Variants in SLC24A2 observed in about 807,000 individuals in gnomAD.
The protein encoded by SLC24A2 is solute carrier family 24 member 2.
A neutral mutation model predicts 62.0 loss-of-function variants in SLC24A2; 36 were observed. That is an observed-to-expected ratio of 0.58 (90% confidence interval 0.44 to 0.77). The LOEUF is 0.77. Among genes scored for constraint, SLC24A2 ranks in the 30% least tolerant of loss-of-function variants. The pLI is 0.00. For synonymous variants in SLC24A2, 358 were observed against 294.0 expected (o/e 1.22, Z -2.23); for missense variants, 846 against 817.9 (o/e 1.03, Z -0.42).
intron 8 of SLC24A2, among the ~76,000 whole-genome samples, chr9:19,536,386 A>G (rs1288310475): frequency 4.5e-5 from 5 of 110,944 alleles, no homozygotes; most frequent in Non-Finnish European, 6.8e-5. Context: ...AGAGTGTGAT[A>G]TTCCCCTTCC....
chr9:20,233,578 G>A, the SLC24A2 span, among the ~76,000 whole-genome samples: 1 of 152,160 alleles, frequency 6.6e-6, no homozygotes, highest in South Asian at 2.1e-4. Context: ...CCGTTTGCTT[G>A]GTGGATCTTC....
At chr9:19,542,152 A>T (rs1834298203) in intron 8 of SLC24A2, among the ~76,000 whole-genome samples, 1 of 152,170 alleles carries the variant, frequency 6.6e-6, no homozygotes, top group East Asian at 1.9e-4. Context: ...GGAAATGCAG[A>T]AATCACCCGT....
intron 5 of SLC24A2, among the ~76,000 whole-genome samples, chr9:19,588,002 CTGGTT>C (rs1836426081): frequency 6.6e-6 from 1 of 152,116 alleles, no homozygotes; most frequent in East Asian, 1.9e-4. Context: ...ACCCACATAG[CTGGTT>C]TGGTCTTTCT....
At chr9:20,077,126 CAG>C in the SLC24A2 span, among the ~76,000 whole-genome samples, 1 of 151,586 alleles carries the variant, frequency 6.6e-6, no homozygotes, top group Non-Finnish European at 1.5e-5. Flanking sequence ...AAGTGGTAAT[CAG>C]GGGCAGAGCG....
chr9:19,676,828 A>C (rs1422199009), intron 2 of SLC24A2, among the ~76,000 whole-genome samples: 1 of 152,230 alleles, frequency 6.6e-6, no homozygotes, highest in African/African-American at 2.4e-5. Context: ...TCTTAACCTA[A>C]GAGAATTCTT....
At chr9:19,748,678 T>TTTTG (rs144922245) in intron 2 of SLC24A2, among the ~76,000 whole-genome samples, 1 of 150,486 alleles carries the variant, frequency 6.6e-6, no homozygotes, top group Non-Finnish European at 1.5e-5. Flanking sequence ...TTTTTGATTT[T>TTTTG]TTTGTTTGTT....
the SLC24A2 span, among the ~76,000 whole-genome samples, chr9:20,243,829 G>A: frequency 2.0e-5 from 3 of 152,294 alleles, no homozygotes; most frequent in African/African-American, 7.2e-5. Flanking sequence ...TTTTGAGGCA[G>A]GCTCTGGCTT....
chr9:19,566,321 C>G (rs1835648582), intron 7 of SLC24A2, among the ~76,000 whole-genome samples: 1 of 149,780 alleles, frequency 6.7e-6, no homozygotes, highest in African/African-American at 2.5e-5. Flanking sequence ...AGACACTTCT[C>G]AAAAGAAGAC....
chr9:19,802,557 T>A, the SLC24A2 span, among the ~76,000 whole-genome samples: 1 of 152,326 alleles, frequency 6.6e-6, no homozygotes, highest in East Asian at 1.9e-4. Flanking sequence ...GTTAAATGCT[T>A]AAATATTTTA....
intron 2 of SLC24A2, among the ~76,000 whole-genome samples, chr9:19,671,382 A>G (rs1434907045): frequency 2.6e-5 from 4 of 151,944 alleles, no homozygotes; most frequent in Non-Finnish European, 4.4e-5. Flanking sequence ...TAGCAGAACT[A>G]CTCATTTGTG....
At chr9:20,222,264 A>G in the SLC24A2 span, among the ~76,000 whole-genome samples, 2 of 152,132 alleles carry the variant, frequency 1.3e-5, no homozygotes, top group African/African-American at 4.8e-5. Context: ...GGTGTACCAG[A>G]AGAAAGGGAG....
At chr9:19,595,062 T>G (rs999893155) in intron 5 of SLC24A2, among the ~76,000 whole-genome samples, 1 of 152,228 alleles carries the variant, frequency 6.6e-6, no homozygotes, top group African/African-American at 2.4e-5. Context: ...AGGTTCCTGT[T>G]CTAGGTGAAG....
At chr9:19,693,233 C>T (rs540779029) in intron 2 of SLC24A2, among the ~76,000 whole-genome samples, 7 of 152,158 alleles carry the variant, frequency 4.6e-5, no homozygotes, top group African/African-American at 7.2e-5. Flanking sequence ...TAAAGACACA[C>T]GCACATGTAT....
the SLC24A2 span, among the ~76,000 whole-genome samples, chr9:20,160,924 T>C: frequency 7.4e-4 from 112 of 150,534 alleles, 2 homozygotes; most frequent in South Asian, 0.02. Context: ...AGAAAACCTA[T>C]AGATTAAGTT....
the SLC24A2 span, among the ~76,000 whole-genome samples, chr9:20,161,470 A>T: frequency 7.3e-5 from 11 of 151,582 alleles, no homozygotes; most frequent in African/African-American, 2.2e-4. Context: ...ATTGATGAAA[A>T]ATCCTAAATA....
the SLC24A2 span, among the ~76,000 whole-genome samples, chr9:20,138,359 T>A: frequency 1.4e-4 from 21 of 152,314 alleles, no homozygotes; most frequent in African/African-American, 4.8e-4. Context: ...CAATGCAGTT[T>A]AAGATTTTTA....
chr9:19,582,727 C>A (rs1836243792), intron 5 of SLC24A2, among the ~76,000 whole-genome samples: 2 of 152,074 alleles, frequency 1.3e-5, no homozygotes, highest in Non-Finnish European at 2.9e-5. Flanking sequence ...TAGGCATAGA[C>A]TTCAGTTAAG....
At chr9:20,001,546 C>A in the SLC24A2 span, among the ~76,000 whole-genome samples, 1 of 152,126 alleles carries the variant, frequency 6.6e-6, no homozygotes, top group African/African-American at 2.4e-5. Context: ...ACATGGGAAT[C>A]AAAAATAGAA....
intron 2 of SLC24A2, among the ~76,000 whole-genome samples, chr9:19,720,363 A>T (rs1380127394): frequency 1.3e-5 from 2 of 152,204 alleles, no homozygotes; most frequent in African/African-American, 4.8e-5. Context: ...ACTTTGACTT[A>T]TTCTTAGAAT....
Sources: allele counts gnomAD v4.1 joint callset (sites outside exome capture counted in the v4.1 genomes callset), GRCh38; gene constraint gnomAD v4.1.1; transcripts MANE v1.5; gene names NCBI Gene and HGNC (gene_info 2026-07-23, HGNC 2026-07-21).